Variants in CDH18 observed in about 807,000 individuals in gnomAD.
CDH18 encodes the protein cadherin-18.
In CDH18, 31 loss-of-function variants were observed where a neutral mutation model predicts 67.9. The ratio of observed to expected loss-of-function variants is 0.46; its 90% CI spans 0.34 to 0.62. CDH18 has a LOEUF of 0.62. CDH18 is among the 20% of genes least tolerant of loss of function. CDH18 has a pLI of 0.01. For missense variants in CDH18, 890 were observed against 975.5 expected (o/e 0.91, Z 1.17); for synonymous variants, 362 against 347.2 (o/e 1.04, Z -0.48).
intron 9 of CDH18, among the ~76,000 whole-genome samples, chr5:19,522,641 T>C (rs1747086496): frequency 6.6e-6 from 1 of 152,088 alleles, no homozygotes; most frequent in Non-Finnish European, 1.5e-5. Context: ...ACGCCTGTAA[T>C]CCCAGTATTT....
intron 2 of CDH18, among the ~76,000 whole-genome samples, chr5:20,061,962 A>G (rs941576209): frequency 1.3e-5 from 2 of 152,002 alleles, no homozygotes; most frequent in East Asian, 1.9e-4. Context: ...CATGTCACAC[A>G]CTGTCCTAAG....
At chr5:20,025,286 G>C (rs1164735207) in intron 2 of CDH18, among the ~76,000 whole-genome samples, 1 of 151,996 alleles carries the variant, frequency 6.6e-6, no homozygotes, top group Admixed American at 6.6e-5. Flanking sequence ...ACTTTCTAAG[G>C]GTTCCAGGCT....
chr5:19,871,055 A>T (rs1248130479), intron 2 of CDH18, among the ~76,000 whole-genome samples: 2 of 152,194 alleles, frequency 1.3e-5, no homozygotes, highest in African/African-American at 4.8e-5. Context: ...TTTCTATGAG[A>T]TGAGTACTAA....
intron 2 of CDH18, among the ~76,000 whole-genome samples, chr5:20,207,574 C>A (rs138509120): frequency 1.1e-4 from 16 of 152,038 alleles, no homozygotes; most frequent in African/African-American, 3.9e-4. Context: ...AGAACTCATG[C>A]AGGAAAACTG....
chr5:19,713,435 T>TA (rs1475905138), intron 5 of CDH18, among the ~76,000 whole-genome samples: 1 of 152,150 alleles, frequency 6.6e-6, no homozygotes, highest in Non-Finnish European at 1.5e-5. Context: ...AAAATTTACT[T>TA]AAGTGTACAA....
chr5:20,338,232 C>A (rs973932545), intron 1 of CDH18, among the ~76,000 whole-genome samples: 1 of 152,236 alleles, frequency 6.6e-6, no homozygotes, highest in African/African-American at 2.4e-5. Flanking sequence ...TGAATTTAAG[C>A]AGCATCTCTA....
intron 1 of CDH18, among the ~76,000 whole-genome samples, chr5:20,484,560 A>C (rs1451340540): frequency 2.0e-5 from 3 of 152,142 alleles, no homozygotes; most frequent in Non-Finnish European, 4.4e-5. Context: ...TGGATAAAGA[A>C]AATATGCTAC....
rs189070033 is a variant in CDH18 at position 19,574,980 on chromosome 5, A to G, written c.1000-3148T>C. Among the ~76,000 whole-genome samples, 1,115 of 152,246 alleles carry G rather than the reference A, an allele frequency of 7.3e-3. 12 individuals carry two copies. The highest frequency in any genetic ancestry group is 0.026 in the African/African-American group (1,074 of 41,536). On this transcript the variant is annotated intron_variant, in intron 7 of 12. Transcript: ENST00000382275. ...CTTGAACCCAGGAGGTGGAGGTTGC[A>G]GTGAGCCGAGATCATGCCACCGCAC... is the stretch of plus-strand genomic sequence containing the variant.
At chr5:20,336,618 G>A (rs1020431247) in intron 1 of CDH18, among the ~76,000 whole-genome samples, 1 of 149,812 alleles carries the variant, frequency 6.7e-6, no homozygotes, top group Non-Finnish European at 1.5e-5. Context: ...AGCTACTCTG[G>A]AGGCTGAGGC....
In CDH18 at chr5:20,539,642, G is replaced by A. The variant is rs527742893; in HGVS notation, c.-580+35820C>T. Among the ~76,000 whole-genome samples, 5 of 152,092 alleles carry A rather than the reference G, an allele frequency of 3.3e-5. No homozygotes were observed. The East Asian group carries it at 5.8e-4, about 18-fold the overall frequency. On this transcript the variant is annotated intron_variant, in intron 1 of 14. Transcript: ENST00000507958. ...AAAGTCTAGAAAAGAGAGTGAGTCTGTTGGTATCTAAATTAAATATTTATT... is the reference window on the plus strand; with the variant it reads ...AAAGTCTAGAAAAGAGAGTGAGTCTATTGGTATCTAAATTAAATATTTATT...
At chr5:19,884,882 T>C (rs969029752) in intron 2 of CDH18, among the ~76,000 whole-genome samples, 1 of 152,122 alleles carries the variant, frequency 6.6e-6, no homozygotes, top group Non-Finnish European at 1.5e-5. Context: ...TATCAAATAA[T>C]AGCATTTATA....
Position 19,960,584 on chromosome 5 carries a change from TGTGTGTATATATATATATACACACAC to T in CDH18, c.-257+20450_-257+20475del, listed in dbSNP as rs1438174936. ...GTATGTGTGTGTGTGTGTGTGTGTGTGTGTGTATATATATATATACACACACGTGTATATATATACACGTGTATATG... is the reference window on the plus strand; with the variant it reads ...GTATGTGTGTGTGTGTGTGTGTGTGTGTGTATATATATACACGTGTATATG... On this transcript the variant is annotated intron_variant, in intron 2 of 12. Transcript: ENST00000382275. Among the ~76,000 whole-genome samples the T allele has an allele frequency of 4.3e-3, 536 of 123,422 alleles. 10 individuals are homozygous for T. Among genetic ancestry groups the T allele is most frequent in the Admixed American group, 0.033 (439 of 13,358 alleles). 81.0% of individuals were successfully genotyped at this position (123,422 alleles called of 152,430 possible).
chr5:19,866,042 AG>A (rs1785448988), intron 2 of CDH18, among the ~76,000 whole-genome samples: 1 of 152,158 alleles, frequency 6.6e-6, no homozygotes, highest in African/African-American at 2.4e-5. Flanking sequence ...CTGGATACGT[AG>A]GGAAAGAAAA....
At chr5:20,079,512 G>T (rs746792399) in intron 2 of CDH18, among the ~76,000 whole-genome samples, 53 of 152,272 alleles carry the variant, frequency 3.5e-4, no homozygotes, top group Admixed American at 7.9e-4. Context: ...TAGTGCTGCA[G>T]TAAACATGAG....
chr5:19,977,524 C>G (rs1032960793), intron 2 of CDH18, among the ~76,000 whole-genome samples: 3 of 152,088 alleles, frequency 2.0e-5, no homozygotes, highest in Admixed American at 2.0e-4. Context: ...TCCATCATGT[C>G]TAGGATTGTT....
chr5:20,074,638 G>A (rs968921731), intron 2 of CDH18, among the ~76,000 whole-genome samples: 5 of 151,868 alleles, frequency 3.3e-5, no homozygotes, highest in African/African-American at 1.2e-4. Context: ...CATTACATGC[G>A]TGTTTTCAAA....
Position 20,014,797 on chromosome 5 carries a change from T to C in CDH18, c.-517-22783A>G, listed in dbSNP as rs117999395. Among the ~76,000 whole-genome samples, 629 of 152,244 alleles carry C rather than the reference T, an allele frequency of 4.1e-3. 15 individuals carry two copies. Among genetic ancestry groups the C allele is most frequent in the Admixed American group, 0.027 (412 of 15,282 alleles). On this transcript the variant is annotated intron_variant, in intron 2 of 14. Transcript: ENST00000507958. Reference sequence around the variant, plus strand: ...AGCTCCAGTGAATGAGGCTGAAGCATATAAGCATTAAATGATTCCTTTTTT... The same window carrying C: ...AGCTCCAGTGAATGAGGCTGAAGCACATAAGCATTAAATGATTCCTTTTTT...
intron 1 of CDH18, among the ~76,000 whole-genome samples, chr5:20,307,595 T>C (rs1195238538): frequency 6.6e-6 from 1 of 152,170 alleles, no homozygotes; most frequent in Non-Finnish European, 1.5e-5. Flanking sequence ...TCCATTGTGT[T>C]TCACTGGCAT....
intron 3 of CDH18, among the ~76,000 whole-genome samples, chr5:19,832,210 A>G (rs1781120333): frequency 6.6e-6 from 1 of 152,150 alleles, no homozygotes; most frequent in Non-Finnish European, 1.5e-5. Flanking sequence ...GCATCGCACA[A>G]TATATACATG....
Sources: allele counts gnomAD v4.1 joint callset (sites outside exome capture counted in the v4.1 genomes callset), GRCh38; gene constraint gnomAD v4.1.1; transcripts MANE v1.5; gene names NCBI Gene and HGNC (gene_info 2026-07-23, HGNC 2026-07-21).